KCNN2: variants seen among roughly 807,000 people sequenced by gnomAD.
KCNN2 encodes small conductance calcium-activated potassium channel protein 2.
In KCNN2, 24 loss-of-function variants were observed where a neutral mutation model predicts 55.5. That is an observed-to-expected ratio of 0.43 (90% CI 0.31 to 0.61). The LOEUF (loss-of-function observed/expected upper bound fraction) is 0.61, where lower values mean the gene tolerates loss of function less well. Ranked by LOEUF, KCNN2 falls within the 20% of genes least tolerant of loss-of-function variation. KCNN2 has a pLI of 0.08. For synonymous variants in KCNN2, 431 were observed against 336.1 expected, an observed-to-expected ratio of 1.28 and a Z score of -3.09; for missense variants, 754 against 853.6, an observed-to-expected ratio of 0.88 and a Z score of 1.45.
intron 5 of KCNN2, among the ~76,000 whole-genome samples, chr5:114,473,906 A>G (rs563635815): frequency 6.6e-6 from 1 of 152,166 alleles, no homozygotes; most frequent in South Asian, 2.1e-4. Context: ...CAGGTAGAAA[A>G]CTGCAAGAAG....
chr5:114,341,301 A>G (rs1333084298), intron 2 of KCNN2, among the ~76,000 whole-genome samples: 1 of 152,246 alleles, frequency 6.6e-6, no homozygotes, highest in Non-Finnish European at 1.5e-5. Flanking sequence ...CATAGATACT[A>G]AATTCATGGA....
At chr5:114,290,216 G>A (rs938345737) in intron 2 of KCNN2, among the ~76,000 whole-genome samples, 8 of 152,094 alleles carry the variant, frequency 5.3e-5, no homozygotes, top group Non-Finnish European at 8.8e-5. Context: ...TGGAATTCAC[G>A]TGAAATCTGG....
At chr5:114,493,675 C>T (rs1371738283) in intron 7 of KCNN2, among the ~76,000 whole-genome samples, 1 of 152,136 alleles carries the variant, frequency 6.6e-6, no homozygotes, top group Non-Finnish European at 1.5e-5. Flanking sequence ...TTACGTTATT[C>T]AGCCCCATTC....
intron 2 of KCNN2, among the ~76,000 whole-genome samples, chr5:114,238,946 C>T (rs952569290): frequency 6.6e-6 from 1 of 152,148 alleles, no homozygotes; most frequent in Non-Finnish European, 1.5e-5. Flanking sequence ...TCTTTATCAT[C>T]TAGTTACTGT....
intron 2 of KCNN2, among the ~76,000 whole-genome samples, chr5:114,223,214 A>C (rs1364493921): frequency 1.3e-5 from 2 of 152,346 alleles, no homozygotes; most frequent in Non-Finnish European, 2.9e-5. Context: ...ACAGTTTTGA[A>C]GGTCTGCATG....
At chr5:114,279,856 A>G (rs1334561694) in intron 2 of KCNN2, among the ~76,000 whole-genome samples, 1 of 152,100 alleles carries the variant, frequency 6.6e-6, no homozygotes, top group African/African-American at 2.4e-5. Context: ...CTAGTTCTAG[A>G]TCCTCGAGGA....
rs1186319431 is a variant in KCNN2, at chr5:114,363,211, A to G, written c.1072A>G (p.Ile358Val). The G allele has an allele frequency of 1.9e-6, 3 of 1,613,224 alleles. No individual in the cohort carries two copies. The highest frequency in any genetic ancestry group is 1.3e-5 in the African/African-American group (1 of 74,946). Residue 358 changes from isoleucine to valine, a missense_variant, in exon 1 of 8, where the codon ATC becomes GTC. By Grantham distance (29) the Ile-to-Val change is conservative. Coordinates refer to ENST00000673685, the MANE Select transcript of KCNN2 (RefSeq NM_021614.4). The part of the protein sequence containing the change: ...DYALIFGMFG[I>V]VVMVIETELS... ...CGCGCTCATCTTCGGCATGTTCGGC[A>G]TCGTGGTCATGGTCATCGAGACCGA...
At chr5:114,153,356 C>T (rs1752564660) in intron 1 of KCNN2, among the ~76,000 whole-genome samples, 1 of 152,098 alleles carries the variant, frequency 6.6e-6, no homozygotes, top group African/African-American at 2.4e-5. Flanking sequence ...ACATATTTTC[C>T]TGCCCTCTGA....
chr5:114,303,399 A>T (rs930377671), intron 2 of KCNN2, among the ~76,000 whole-genome samples: 1 of 152,090 alleles, frequency 6.6e-6, no homozygotes, highest in African/African-American at 2.4e-5. Context: ...CTTGGCTTTA[A>T]CTCTCTGTAG....
At chr5:114,434,260 C>T (rs1759923067) in intron 3 of KCNN2, among the ~76,000 whole-genome samples, 1 of 151,776 alleles carries the variant, frequency 6.6e-6, no homozygotes, top group Non-Finnish European at 1.5e-5. Flanking sequence ...AAACAGTCTA[C>T]TACTCATAAG....
chr5:114,183,845 A>C (rs1230964847), intron 1 of KCNN2, among the ~76,000 whole-genome samples: 1 of 148,760 alleles, frequency 6.7e-6, no homozygotes, highest in African/African-American at 2.5e-5. Context: ...TTTCTGTTTT[A>C]TTATTTTTTT....
intron 1 of KCNN2, among the ~76,000 whole-genome samples, chr5:114,117,240 A>G (rs1297719668): frequency 6.6e-6 from 1 of 152,150 alleles, no homozygotes; most frequent in African/African-American, 2.4e-5. Context: ...TTATACCTGC[A>G]TTGGGTGTGG....
At chr5:114,308,206 G>A (rs1423930894) in intron 2 of KCNN2, among the ~76,000 whole-genome samples, 2 of 152,052 alleles carry the variant, frequency 1.3e-5, no homozygotes, top group Non-Finnish European at 2.9e-5. Context: ...ATCAACAATG[G>A]GATCTGCATT....
chr5:114,464,713 A>G (rs561626681), intron 4 of KCNN2, among the ~76,000 whole-genome samples: 1 of 152,248 alleles, frequency 6.6e-6, no homozygotes, highest in African/African-American at 2.4e-5. Flanking sequence ...CAAGATGGCC[A>G]TTTCAAGTCC....
intron 2 of KCNN2, among the ~76,000 whole-genome samples, chr5:114,397,306 T>C (rs1338396355): frequency 6.6e-6 from 1 of 152,228 alleles, no homozygotes. Flanking sequence ...CAAATTGCTT[T>C]CCACAATGGC....
At chr5:114,241,752 G>A (rs4705647) in intron 2 of KCNN2, among the ~76,000 whole-genome samples, 182 of 2,712 alleles carry the variant, frequency 0.067, 33 homozygotes, top group South Asian at 0.15. Flanking sequence ...GTATATATAT[G>A]TATATATATA....
At chr5:114,227,390 T>C (rs1472908038) in intron 2 of KCNN2, among the ~76,000 whole-genome samples, 2 of 152,236 alleles carry the variant, frequency 1.3e-5, no homozygotes, top group East Asian at 3.8e-4. Context: ...ATCCGCTTGC[T>C]TAAAGAAGTG....
chr5:114,203,853 A>G (rs574153131), intron 1 of KCNN2, among the ~76,000 whole-genome samples: 1 of 152,368 alleles, frequency 6.6e-6, no homozygotes, highest in East Asian at 1.9e-4. Context: ...GCATCTATTC[A>G]GAAACTATAC....
chr5:114,189,772 A>T (rs1228355993), intron 1 of KCNN2, among the ~76,000 whole-genome samples: 1 of 152,188 alleles, frequency 6.6e-6, no homozygotes, highest in Admixed American at 6.5e-5. Flanking sequence ...GTAGTATAGA[A>T]CAGAGAATCC....
Sources: gnomAD v4.1 joint callset for allele counts (sites outside exome capture counted in the v4.1 genomes callset) on GRCh38, gnomAD v4.1.1 for gene constraint, MANE v1.5 for transcripts, NCBI Gene and HGNC (gene_info 2026-07-23, HGNC 2026-07-21) for gene names.